The following FOXP1 variants were observed in gnomAD, a reference collection of about 807,000 sequenced individuals.
FOXP1 encodes the protein forkhead box P1, also known as forkhead box protein P1.
Under a neutral mutation model 98.2 loss-of-function variants are expected in FOXP1, and 15 were observed. That is an observed-to-expected ratio of 0.15 (90% CI 0.10 to 0.24). The LOEUF (loss-of-function observed/expected upper bound fraction) is 0.24, where lower values mean the gene tolerates loss of function less well. Ranked by LOEUF, FOXP1 falls within the 10% of genes least tolerant of loss-of-function variation. The pLI is 1.00. For synonymous variants in FOXP1, 371 were observed against 314.5 expected (o/e 1.18, Z -1.90); for missense variants, 633 against 848.5 (o/e 0.75, Z 3.15).
chr3:71,091,018 C>A (rs1188476598), intron 7 of FOXP1, among the ~76,000 whole-genome samples: 1 of 151,110 alleles, frequency 6.6e-6, no homozygotes, highest in Non-Finnish European at 1.5e-5. Context: ...ATAACCCAAA[C>A]CAACATCATC....
At chr3:71,451,251 T>C (rs975971609) in intron 3 of FOXP1, among the ~76,000 whole-genome samples, 1 of 152,344 alleles carries the variant, frequency 6.6e-6, no homozygotes. Flanking sequence ...CCAGAAAGAC[T>C]GTGAGCACTT....
At chr3:71,152,014 G>A (rs1434209182) in intron 6 of FOXP1, among the ~76,000 whole-genome samples, 1 of 152,186 alleles carries the variant, frequency 6.6e-6, no homozygotes, top group Non-Finnish European at 1.5e-5. Flanking sequence ...AAGAGATTTT[G>A]CAGGTATAAA....
At chr3:71,169,077 T>G (rs1179969850) in intron 6 of FOXP1, among the ~76,000 whole-genome samples, 1 of 152,198 alleles carries the variant, frequency 6.6e-6, no homozygotes, top group Non-Finnish European at 1.5e-5. Flanking sequence ...GCCAGCATCC[T>G]GGAAGTTACT....
At chr3:71,526,275 C>T (rs993191866) in intron 2 of FOXP1, among the ~76,000 whole-genome samples, 3 of 152,188 alleles carry the variant, frequency 2.0e-5, no homozygotes, top group African/African-American at 7.2e-5. Context: ...TTCTGCCTCA[C>T]CTTCAGATCC....
intron 4 of FOXP1, 24 bp downstream of exon 4, chr3:71,359,126 G>C (rs2078378456): frequency 6.6e-6 from 1 of 152,186 alleles, no homozygotes; most frequent in Non-Finnish European, 1.5e-5. Context: ...GTGGTATACA[G>C]CATCAGTGGT....
chr3:71,403,509 C>A (rs980148589), intron 3 of FOXP1, among the ~76,000 whole-genome samples: 2 of 152,304 alleles, frequency 1.3e-5, no homozygotes, highest in Middle Eastern at 6.8e-3. Context: ...TGCATGCACG[C>A]GTGCCTCATG....
intron 4 of FOXP1, among the ~76,000 whole-genome samples, chr3:71,319,068 G>C (rs1211132837): frequency 6.6e-6 from 1 of 152,148 alleles, no homozygotes; most frequent in Non-Finnish European, 1.5e-5. Flanking sequence ...ACTGGAAGTC[G>C]TGATTTTGCC....
chr3:70,972,321 T>G, intron 18 of FOXP1: 1 of 910,080 alleles, frequency 1.1e-6, no homozygotes, highest in Middle Eastern at 2.4e-4. Flanking sequence ...TGAGGGTTAA[T>G]ATGCATTGCC....
At chr3:71,560,582 C>A (rs894376836) in intron 2 of FOXP1, among the ~76,000 whole-genome samples, 1 of 152,000 alleles carries the variant, frequency 6.6e-6, no homozygotes, top group Admixed American at 6.6e-5. Context: ...TGAAAACATA[C>A]GAAAACACAA....
At position 71,344,682 on chromosome 3, in the gene FOXP1, C is replaced by CA. The variant is rs111895618; in HGVS notation, c.-73+14467dup. Reference sequence around the variant, plus strand: ...CGAAACCCCCTGTGCACTAAAAATACAAAAAAATTAGCCAGGCATAGTGGC... The same window carrying CA: ...CGAAACCCCCTGTGCACTAAAAATACAAAAAAAATTAGCCAGGCATAGTGGC... On this transcript the variant is annotated intron_variant, in intron 4 of 20. Transcript: ENST00000649528. 3.0e-3 allele frequency among the ~76,000 whole-genome samples: 455 copies of CA among 152,022 alleles called. 2 individuals carry two copies. Among genetic ancestry groups the CA allele is most frequent in the African/African-American group, 9.5e-3 (395 of 41,478 alleles).
At chr3:71,056,103 C>G (rs560995530) in intron 7 of FOXP1, among the ~76,000 whole-genome samples, 1 of 152,146 alleles carries the variant, frequency 6.6e-6, no homozygotes, top group Admixed American at 6.5e-5. Flanking sequence ...TGCTCACACA[C>G]GTGTATACAA....
chr3:71,065,603 A>G (rs2052383650), intron 7 of FOXP1: 4 of 152,188 alleles, frequency 2.6e-5, no homozygotes. Flanking sequence ...GCGGGGTGGA[A>G]ATAAATAACA....
intron 7 of FOXP1, among the ~76,000 whole-genome samples, chr3:71,090,926 C>T (rs966150801): frequency 5.3e-5 from 8 of 152,110 alleles, no homozygotes; most frequent in Admixed American, 3.9e-4. Context: ...ACTCTCTGCC[C>T]ATCTACTACC....
rs9825795 is a variant in FOXP1 at position 71,427,837 on chromosome 3, G to A, written c.-168+65589C>T. On this transcript the variant is annotated intron_variant, in intron 3 of 20. Transcript: ENST00000649528. ...GCAAATGCAGGCAACCCAGGAAGAT[G>A]AGCAGGCACCAAAGAAAAGATGACA... 5.0e-3 allele frequency among the ~76,000 whole-genome samples: 758 copies of A among 152,272 alleles called. 8 individuals carry two copies. The highest frequency in any genetic ancestry group is 0.017 in the African/African-American group (700 of 41,538).
At chr3:71,394,411 G>T (rs2081238096) in intron 3 of FOXP1, among the ~76,000 whole-genome samples, 1 of 152,104 alleles carries the variant, frequency 6.6e-6, no homozygotes, top group Admixed American at 6.5e-5. Flanking sequence ...GGTCAAACAG[G>T]TTATCTGTGA....
At chr3:71,288,039 C>T (rs1359560801) in intron 5 of FOXP1, among the ~76,000 whole-genome samples, 1 of 151,980 alleles carries the variant, frequency 6.6e-6, no homozygotes, top group Admixed American at 6.5e-5. Context: ...CGCCACCACG[C>T]CCGGCTAATT....
chr3:71,049,523 C>T (rs1007180497), intron 9 of FOXP1, among the ~76,000 whole-genome samples: 19 of 151,560 alleles, frequency 1.3e-4, no homozygotes, highest in Admixed American at 2.6e-4. Flanking sequence ...CCAAACTTTC[C>T]CAAGGAAACA....
intron 7 of FOXP1, among the ~76,000 whole-genome samples, chr3:71,097,365 T>C (rs1217967850): frequency 2.0e-5 from 3 of 152,158 alleles, no homozygotes; most frequent in Admixed American, 6.5e-5. Context: ...TACTTTTACA[T>C]GACAAAAAAC....
chr3:71,096,315 A>T (rs550063154), intron 7 of FOXP1, among the ~76,000 whole-genome samples: 2 of 152,344 alleles, frequency 1.3e-5, no homozygotes, highest in Non-Finnish European at 2.9e-5. Context: ...GAAGGTTTTT[A>T]AATATACACA....
Sources: gnomAD v4.1 joint callset for allele counts (sites outside exome capture counted in the v4.1 genomes callset) on GRCh38, gnomAD v4.1.1 for gene constraint, MANE v1.5 for transcripts, NCBI Gene and HGNC (gene_info 2026-07-23, HGNC 2026-07-21) for gene names.